RBM4: variants seen among roughly 807,000 people sequenced by gnomAD.
RBM4 encodes RNA binding motif protein 4.
A neutral mutation model predicts 29.5 loss-of-function variants in RBM4; 7 were observed. The ratio of observed to expected loss-of-function variants is 0.24; its 90% CI spans 0.14 to 0.45. The LOEUF (loss-of-function observed/expected upper bound fraction) is 0.45. Among genes scored for constraint, RBM4 ranks in the 20% least tolerant of loss-of-function variants. The pLI, the probability that RBM4 is intolerant of heterozygous loss-of-function variation, is 1.00. For synonymous variants in RBM4, 220 were observed against 205.4 expected (o/e 1.07, Z -0.61); for missense variants, 387 against 502.3 (o/e 0.77, Z 2.19).
exon 3 of RBM4, chr11:66,666,430 A>G: frequency 6.1e-6 from 6 of 988,078 alleles, no homozygotes; most frequent in Non-Finnish European, 7.2e-6. Flanking sequence ...TGGCAGCCTC[A>G]TTAACATCAG....
chr11:66,657,933 T>C (rs1938983313), intron 2 of RBM4, among the ~76,000 whole-genome samples: 1 of 152,186 alleles, frequency 6.6e-6, no homozygotes, highest in South Asian at 2.1e-4. Flanking sequence ...TTGCCCAGGC[T>C]GGTCTTGAAC....
In RBM4 at chr11:66,656,386, C is replaced by T. The variant is rs544809382; in HGVS notation, c.413-9470C>T. Among the ~76,000 whole-genome samples the T allele has an allele frequency of 5.3e-5, 8 of 152,132 alleles. No homozygotes were observed. The East Asian group carries it at 7.8e-4, about 15-fold the overall frequency. ...CGATCTCATGACCTTGTGATCCACCCGCCTCGGCCTCCCAAAGTGCTGGGA... is the reference window on the plus strand; with the variant it reads ...CGATCTCATGACCTTGTGATCCACCTGCCTCGGCCTCCCAAAGTGCTGGGA... On this transcript the variant is annotated intron_variant, in intron 2 of 2. Transcript: ENST00000396053.
downstream of RBM4, among the ~76,000 whole-genome samples, chr11:66,649,309 A>G (rs746936414): frequency 1.3e-5 from 2 of 152,176 alleles, no homozygotes; most frequent in Non-Finnish European, 2.9e-5. Flanking sequence ...TAAGCTATTT[A>G]TTGACTTGTT....
At chr11:66,651,086 T>G (rs760671827), downstream of RBM4, among the ~76,000 whole-genome samples, 1 of 151,912 alleles carries the variant, frequency 6.6e-6, no homozygotes, top group Non-Finnish European at 1.5e-5. Flanking sequence ...ACCAGGCTCC[T>G]TACCCTAGAG....
rs1383203844 is a variant in RBM4 at position 66,644,083 on chromosome 11, G to A, written c.1046G>A (p.Arg349Gln). The A allele has an allele frequency of 4.3e-6, 7 of 1,613,964 alleles. No individual in the cohort carries two copies. The highest frequency in any genetic ancestry group is 2.7e-5 in the African/African-American group (2 of 74,892). ...AARNSLYDMARYEREQYADRA... is the reference protein window; with the variant it reads ...AARNSLYDMAQYEREQYADRA... ...CGGAATTCTCTGTACGACATGGCCCGGTATGAGCGGGAGCAGTATGCCGAT... is the reference window on the plus strand; with the variant it reads ...CGGAATTCTCTGTACGACATGGCCCAGTATGAGCGGGAGCAGTATGCCGAT... Residue 349 changes from arginine to glutamine, a missense_variant, in exon 3 of 4, where the codon CGG (arginine) becomes CAG (glutamine). By Grantham distance (43) the Arg-to-Gln change is conservative. Coordinates refer to ENST00000310092, the MANE Select transcript of RBM4 (RefSeq NM_002896.4).
intron 2 of RBM4, among the ~76,000 whole-genome samples, chr11:66,653,384 G>A (rs563840510): frequency 2.2e-5 from 3 of 135,952 alleles, no homozygotes; most frequent in African/African-American, 5.6e-5. Flanking sequence ...TTTTTTGAGA[G>A]GGAGTCTTGC....
chr11:66,660,676 TG>T (rs1325951212), intron 2 of RBM4, among the ~76,000 whole-genome samples: 245 of 144,914 alleles, frequency 1.7e-3, no homozygotes, highest in Admixed American at 3.0e-3. Context: ...TAATTTGAGA[TG>T]GAGTCTTGCT....
At chr11:66,640,854 G>C (rs1236884701) in intron 2 of RBM4, 4 of 152,208 alleles carry the variant, frequency 2.6e-5, no homozygotes, top group Non-Finnish European at 4.4e-5. Context: ...AGGGCAGCAT[G>C]GGTGATATGT....
intron 2 of RBM4, among the ~76,000 whole-genome samples, chr11:66,660,758 ATTC>A: frequency 6.6e-6 from 1 of 151,136 alleles, no homozygotes; most frequent in African/African-American, 2.4e-5. Context: ...GGTTCACGCC[ATTC>A]TTCTGCCTCA....
chr11:66,642,403 T>G (rs1302068026), intron 2 of RBM4, among the ~76,000 whole-genome samples: 1 of 152,222 alleles, frequency 6.6e-6, no homozygotes, highest in African/African-American at 2.4e-5. Context: ...TAGATCATGT[T>G]AGGTAGAAAT....
chr11:66,641,180 C>T (rs932517145), intron 2 of RBM4: 1 of 152,140 alleles, frequency 6.6e-6, no homozygotes, highest in African/African-American at 2.4e-5. Flanking sequence ...TAAAAAAAGC[C>T]TTATTCAAAT....
In RBM4 at chr11:66,646,268, C is replaced by T; in HGVS notation, c.*250C>T. ...GCTTCCCATTCATGTTCTCTTCTCC[C>T]AGCAGGCCTCATTGTGTGCAGAAAC... On this transcript the variant is annotated 3_prime_UTR_variant, in exon 4 of 4. Transcript: ENST00000310092. The T allele has an allele frequency of 1.4e-6, 2 of 1,404,300 alleles. No homozygotes were observed. Among genetic ancestry groups the T allele is most frequent in the South Asian group, 1.6e-5 (1 of 64,386 alleles). 87.0% of individuals were successfully genotyped at this position (1,404,300 alleles called of 1,614,324 possible).
At chr11:66,652,529 A>G (rs138913355) in intron 2 of RBM4, among the ~76,000 whole-genome samples, 3 of 152,288 alleles carry the variant, frequency 2.0e-5, no homozygotes, top group African/African-American at 7.2e-5. Flanking sequence ...AAGCCTTAAT[A>G]TTTGCTTTGT....
Position 66,640,035 on chromosome 11 carries a change from C to T in RBM4, c.324C>T (p.Asp108=). 1 of 1,614,176 alleles carries T rather than the reference C, an allele frequency of 6.2e-7. No individual in the cohort carries two copies. Among genetic ancestry groups the T allele is most frequent in the Admixed American group, 1.7e-5 (1 of 60,018 alleles). Residue 108 remains aspartate, a synonymous_variant, in exon 2 of 4, where the codon GAC becomes GAT. Coordinates refer to ENST00000310092, the MANE Select transcript of RBM4 (RefSeq NM_002896.4). ...FEEYGPVIEC[D]IVKDYAFVHM... ...AGTATGGTCCGGTCATCGAATGTGA[C>T]ATCGTGAAAGATTATGCCTTCGTAC...
intron 2 of RBM4, among the ~76,000 whole-genome samples, chr11:66,657,996 A>G (rs970661861): frequency 5.3e-5 from 8 of 152,012 alleles, no homozygotes; most frequent in Non-Finnish European, 1.0e-4. Flanking sequence ...CTGGGATTAC[A>G]GGCGTGAGCC....
chr11:66,664,017 TTTG>T (rs1336601620), intron 2 of RBM4, among the ~76,000 whole-genome samples: 1 of 151,842 alleles, frequency 6.6e-6, no homozygotes, highest in Non-Finnish European at 1.5e-5. Flanking sequence ...TAAATCCTTT[TTTG>T]TTGTTTTGGA....
Position 66,643,379 on chromosome 11 carries a change from C to G in RBM4, c.413-71C>G. 13 of 1,526,752 alleles carry G rather than the reference C, an allele frequency of 8.5e-6. No homozygotes were observed. Among genetic ancestry groups the G allele is most frequent in the Non-Finnish European group, 1.1e-5 (12 of 1,133,368 alleles). The allele number at this position is 1,526,752 out of a possible 1,614,324, so 94.6% of individuals were successfully genotyped here. On this transcript the variant is annotated intron_variant, in intron 2 of 3. Transcript: ENST00000310092. The surrounding 1 kb of genome is among the most constrained non-coding windows in gnomAD (Gnocchi z 6.1). ...GTCTAGATAAAGCCATTGCTATGAC[C>G]AGTGTCTGGGGTAGGGGCTGGGGCT...
rs1404793835 is a variant in RBM4 at position 66,643,295 on chromosome 11, T to G, written c.413-155T>G. On this transcript the variant is annotated intron_variant, in intron 2 of 3. Coordinates refer to ENST00000310092, the MANE Select transcript of RBM4 (RefSeq NM_002896.4). The surrounding 1 kb of genome is among the most constrained non-coding windows in gnomAD (Gnocchi z 6.1). ...AGGTCATTATACTGAATCTATATGTTGAGTCTTTTTTTTTTTTCCTTTTTA... is the reference window on the plus strand; with the variant it reads ...AGGTCATTATACTGAATCTATATGTGGAGTCTTTTTTTTTTTTCCTTTTTA... Among the ~76,000 whole-genome samples the G allele has an allele frequency of 1.3e-5, 2 of 152,136 alleles. No homozygotes were observed. The highest frequency in any genetic ancestry group is 3.9e-4 in the East Asian group (2 of 5,192).
Position 66,643,871 on chromosome 11 carries a change from G to A in RBM4, c.834G>A (p.Pro278=), listed in dbSNP as rs758173651. ...ATCCCTACGATAGACACCTGTTGCCGACCTCAGGAGCTGCTGCCACAGCTG... is the reference window on the plus strand; with the variant it reads ...ATCCCTACGATAGACACCTGTTGCCAACCTCAGGAGCTGCTGCCACAGCTG... ...SLDPYDRHLL[P]TSGAAATAAA... Residue 278 remains proline (P), a synonymous_variant, in exon 3 of 4, where the codon CCG becomes CCA. Transcript: ENST00000310092. This position sits in a 1 kb window ranked among gnomAD's most constrained non-coding sequence, Gnocchi z 6.1. The A allele has an allele frequency of 4.3e-5, 69 of 1,613,568 alleles. No homozygotes were observed. Among genetic ancestry groups the A allele is most frequent in the Middle Eastern group, 1.6e-4 (1 of 6,084 alleles).
Sources: allele counts gnomAD v4.1 joint callset (sites outside exome capture counted in the v4.1 genomes callset), GRCh38; gene constraint gnomAD v4.1.1; non-coding constraint Gnocchi (gnomAD v3.1); transcripts MANE v1.5; gene names NCBI Gene and HGNC (gene_info 2026-07-23, HGNC 2026-07-21).